Variants in NEK9 observed in about 807,000 individuals in gnomAD.
The protein encoded by NEK9 is NIMA related kinase 9, also known as serine/threonine-protein kinase Nek9.
Under a neutral mutation model 123.4 loss-of-function variants are expected in NEK9, and 75 were observed. That is an observed-to-expected ratio of 0.61 (90% CI 0.50 to 0.74). NEK9 has a LOEUF of 0.74. Ranked by LOEUF, NEK9 falls within the 30% of genes least tolerant of loss-of-function variation. The pLI is 0.00. For missense variants in NEK9, 952 were observed against 1,214.4 expected, an observed-to-expected ratio of 0.78 and a Z score of 3.21; for synonymous variants, 438 against 458.7, an observed-to-expected ratio of 0.95 and a Z score of 0.58.
In NEK9 at chr14:75,118,931, T is replaced by C; in HGVS notation, c.529A>G (p.Ile177Val). The C allele has an allele frequency of 6.7e-7, 1 of 1,491,046 alleles. No homozygotes were observed. Among genetic ancestry groups the C allele is most frequent in the South Asian group, 1.1e-5 (1 of 87,700 alleles). The allele number at this position is 1,491,046 out of a possible 1,614,324, so 92.4% of individuals were successfully genotyped here. A position where few individuals can be genotyped will look rare whatever the true frequency, so the allele number is the denominator to read the frequency against. ...IHKAGILHRD[I>V]KTLNIFLTKA... ...GTCAGAAAAATATTTAATGTCTTTA[T>C]ATCTCTGAAAAAAAAAGATGCTGCA... is the stretch of plus-strand genomic sequence containing the variant. The change falls in exon 5 of 22, where the codon ATA (isoleucine) becomes GTA (valine). Residue 177 changes from isoleucine to valine, a missense_variant. Ile to Val is a conservative substitution (Grantham distance 29). Coordinates refer to ENST00000238616, the MANE Select transcript of NEK9 (RefSeq NM_033116.6).
At chr14:75,117,034 G>A (rs1369511849) in intron 6 of NEK9, among the ~76,000 whole-genome samples, 161 bp downstream of exon 6, 1 of 152,190 alleles carries the variant, frequency 6.6e-6, no homozygotes, top group Non-Finnish European at 1.5e-5. Flanking sequence ...ACTGCGCCTG[G>A]CTGGGTCTAT....
Position 75,110,353 on chromosome 14 carries a change from G to T in NEK9, c.957C>A (p.Val319=). 1 of 1,613,178 alleles carries T rather than the reference G, an allele frequency of 6.2e-7. No homozygotes were observed. The highest frequency in any genetic ancestry group is 8.5e-7 in the Non-Finnish European group (1 of 1,179,318). The stretch of plus-strand genomic sequence containing the variant: ...TCTTTGTAGGTGCATTAAGCAGAGT[G>T]ACTTTTTCCTCCATCTCTCTACCAA... ...RKRRREMEEK[V]TLLNAPTKRP... Residue 319 remains valine (V), a synonymous_variant, in exon 9 of 22, where the codon GTC becomes GTA. Transcript: ENST00000238616.
rs1490596412 is a variant in NEK9 at position 75,084,831 on chromosome 14, A to G, written c.2818-145T>C. Reference sequence around the variant, plus strand: ...GTAGCCACGATCTTGTGAGACGCTCATGGCACTATTTTAGATACAGTCCAT... The same window carrying G: ...GTAGCCACGATCTTGTGAGACGCTCGTGGCACTATTTTAGATACAGTCCAT... On this transcript the variant is annotated intron_variant, in intron 21 of 21. Coordinates refer to ENST00000238616, the MANE Select transcript of NEK9 (RefSeq NM_033116.6). The G allele has an allele frequency of 9.4e-6, 9 of 956,974 alleles. No homozygotes were observed. The Admixed American group carries it at 1.1e-4, about 12-fold the overall frequency. 59.3% of individuals were successfully genotyped at this position (956,974 alleles called of 1,614,324 possible). A position where few individuals can be genotyped will look rare whatever the true frequency, so the allele number is the denominator to read the frequency against.
chr14:75,113,228 C>T, intron 8 of NEK9, 111 bp downstream of exon 8: 4 of 819,932 alleles, frequency 4.9e-6, no homozygotes, highest in Non-Finnish European at 6.1e-6. Context: ...TAGAAAATAG[C>T]ACTATTGCAA....
At chr14:75,085,783 G>A (rs1405606741) in intron 21 of NEK9, among the ~76,000 whole-genome samples, 4 of 152,182 alleles carry the variant, frequency 2.6e-5, no homozygotes, top group African/African-American at 7.2e-5. Context: ...CCAGCTACTT[G>A]GGGGGCTGAG....
At position 75,123,665 on chromosome 14, in the gene NEK9, C is replaced by T. The variant is rs567238258; in HGVS notation, c.397+381G>A. On this transcript the variant is annotated intron_variant, in intron 2 of 21. Coordinates refer to ENST00000238616, the MANE Select transcript of NEK9 (RefSeq NM_033116.6). ...CCACTTTTCAATAGGATAGCTTTAG[C>T]TGAAGACAATATAAATAAATATCAC... Among the ~76,000 whole-genome samples the T allele has an allele frequency of 2.6e-5, 4 of 152,260 alleles. No homozygotes were observed. In the East Asian group the frequency reaches 5.8e-4, roughly 22 times the overall value.
chr14:75,095,082 G>C (rs973044279), intron 18 of NEK9, among the ~76,000 whole-genome samples: 1 of 152,092 alleles, frequency 6.6e-6, no homozygotes, highest in Non-Finnish European at 1.5e-5. Flanking sequence ...TTACCCCCTA[G>C]AATAGTAAGG....
chr14:75,111,465 T>C (rs1380457341), intron 8 of NEK9, among the ~76,000 whole-genome samples: 1 of 152,252 alleles, frequency 6.6e-6, no homozygotes, highest in East Asian at 1.9e-4. Context: ...ATATTCTCTG[T>C]CTGGAAAACT....
chr14:75,100,201 C>G (rs1894527367), intron 16 of NEK9, among the ~76,000 whole-genome samples: 1 of 129,832 alleles, frequency 7.7e-6, no homozygotes, highest in Non-Finnish European at 1.6e-5. Flanking sequence ...AATCTCAGCA[C>G]TTTGGGAGGC....
rs989034064 is a variant in NEK9 at position 75,083,806 on chromosome 14, A to C, written c.*758T>G. On this transcript the variant is annotated 3_prime_UTR_variant, in exon 22 of 22. Transcript: ENST00000238616. ...CTGAGACACCTCATCCCTCAGAGACACCTCATCCCCTCATCCACAGTTAGG... is the reference window on the plus strand; with the variant it reads ...CTGAGACACCTCATCCCTCAGAGACCCCTCATCCCCTCATCCACAGTTAGG... 1 of 151,892 alleles carries C rather than the reference A, an allele frequency of 6.6e-6. No homozygotes were observed. Among genetic ancestry groups the C allele is most frequent in the African/African-American group, 2.4e-5 (1 of 41,164 alleles). The allele number at this position is 151,892 out of a possible 1,614,324, so 9.4% of individuals were successfully genotyped here. A position where few individuals can be genotyped will look rare whatever the true frequency, so the allele number is the denominator to read the frequency against.
At position 75,081,217 on chromosome 14, in the gene NEK9, T is replaced by C. The variant is rs927740786; in HGVS notation, c.*3347A>G. The C allele has an allele frequency of 7.2e-5, 11 of 152,324 alleles. No homozygotes were observed. Among genetic ancestry groups the C allele is most frequent in the African/African-American group, 2.7e-4 (11 of 41,460 alleles). The allele number at this position is 152,324 out of a possible 1,614,324, so 9.4% of individuals were successfully genotyped here. ...CCTCGGCCTCCCAAAGTGCTGGGAT[T>C]ACAGGCGTGAGCCACTGCGTCTGGC... On this transcript the variant is annotated 3_prime_UTR_variant, in exon 22 of 22. Transcript: ENST00000238616. This position sits in a 1 kb window ranked among gnomAD's most constrained non-coding sequence, Gnocchi z 4.2.
chr14:75,102,066 C>T (rs1032459744), intron 14 of NEK9, among the ~76,000 whole-genome samples: 2 of 152,122 alleles, frequency 1.3e-5, no homozygotes, highest in African/African-American at 4.8e-5. Flanking sequence ...AGGAGAGAAT[C>T]GTTGACATTT....
intron 9 of NEK9, 29 bp from the exon 10 acceptor site, chr14:75,109,906 A>G (rs1285674936): frequency 3.8e-6 from 6 of 1,565,574 alleles, no homozygotes; most frequent in African/African-American, 2.8e-5. Context: ...ACAAAGGAAC[A>G]TTTAACATTA....
intron 6 of NEK9, among the ~76,000 whole-genome samples, chr14:75,115,592 T>C (rs1205757723): frequency 1.3e-5 from 2 of 152,228 alleles, no homozygotes; most frequent in Admixed American, 6.5e-5. Flanking sequence ...GTGGGGAATA[T>C]ATATTGTTAC....
intron 14 of NEK9, 86 bp downstream of exon 14, chr14:75,103,756 G>T: frequency 1.4e-6 from 2 of 1,414,842 alleles, no homozygotes; most frequent in Non-Finnish European, 1.9e-6. Context: ...AAATTCCATG[G>T]TCACTAACCA....
intron 21 of NEK9, among the ~76,000 whole-genome samples, chr14:75,085,467 G>A (rs1893991828): frequency 6.6e-6 from 1 of 152,176 alleles, no homozygotes; most frequent in Non-Finnish European, 1.5e-5. Flanking sequence ...CTATTTCTCT[G>A]CTTCTACTTC....
chr14:75,088,358 C>G (rs547548387), intron 20 of NEK9, 122 bp downstream of exon 20: 2 of 893,022 alleles, frequency 2.2e-6, no homozygotes, highest in East Asian at 2.5e-5. Flanking sequence ...GCTGAATAGA[C>G]AGTATAATGA....
At chr14:75,108,549 GTA>G (rs1243271717) in intron 10 of NEK9, among the ~76,000 whole-genome samples, 1 of 146,846 alleles carries the variant, frequency 6.8e-6, no homozygotes, top group Non-Finnish European at 1.5e-5. Context: ...GTGTGTGACA[GTA>G]TATATATATA....
Position 75,081,450 on chromosome 14 carries a change from T to G in NEK9, c.*3114A>C, listed in dbSNP as rs1294229998. Reference sequence around the variant, plus strand: ...TTTCCACAGTTAATCATTGAAACAATAAATGATTTTTGGCTTTGCAGCAGT... The same window carrying G: ...TTTCCACAGTTAATCATTGAAACAAGAAATGATTTTTGGCTTTGCAGCAGT... On this transcript the variant is annotated 3_prime_UTR_variant, in exon 22 of 22. Transcript: ENST00000238616. This position sits in a 1 kb window ranked among gnomAD's most constrained non-coding sequence, Gnocchi z 4.2. The G allele has an allele frequency of 6.6e-6, 1 of 152,222 alleles. No homozygotes were observed. The highest frequency in any genetic ancestry group is 1.5e-5 in the Non-Finnish European group (1 of 68,030). The allele number at this position is 152,222 out of a possible 1,614,324, so 9.4% of individuals were successfully genotyped here. A position where few individuals can be genotyped will look rare whatever the true frequency, so the allele number is the denominator to read the frequency against.
Sources: gnomAD v4.1 joint callset for allele counts (sites outside exome capture counted in the v4.1 genomes callset) on GRCh38, gnomAD v4.1.1 for gene constraint, Gnocchi (gnomAD v3.1) non-coding constraint, MANE v1.5 for transcripts, NCBI Gene and HGNC (gene_info 2026-07-23, HGNC 2026-07-21) for gene names.